The following AK4 variants were observed in gnomAD, a reference collection of about 807,000 sequenced individuals.
The protein encoded by AK4 is adenylate kinase 4, mitochondrial.
AK4 carries 13 observed loss-of-function variants against 24.6 expected under a neutral mutation model. That is an observed-to-expected ratio of 0.53 (90% CI 0.34 to 0.84). The LOEUF is 0.84. Among genes scored for constraint, AK4 ranks in the 40% least tolerant of loss-of-function variants. The pLI, the probability that AK4 is intolerant of heterozygous loss-of-function variation, is 0.01. For missense variants in AK4, 192 were observed against 288.2 expected (o/e 0.67, Z 2.42); for synonymous variants, 88 against 107.0 (o/e 0.82, Z 1.10).
chr1:65,194,121 T>C (rs996335363), intron 2 of AK4, among the ~76,000 whole-genome samples: 1 of 152,222 alleles, frequency 6.6e-6, no homozygotes, highest in Non-Finnish European at 1.5e-5. Context: ...TTGTATAAAG[T>C]GTGCCCTCAG....
At chr1:65,154,089 C>A (rs1649891661) in intron 1 of AK4, among the ~76,000 whole-genome samples, 1 of 152,172 alleles carries the variant, frequency 6.6e-6, no homozygotes, top group African/African-American at 2.4e-5. Context: ...AAAAGTTGAT[C>A]TTTTGCCTGC....
At chr1:65,169,175 C>CAAAAAAAAAAAA (rs577188503) in intron 1 of AK4, among the ~76,000 whole-genome samples, 1 of 64,788 alleles carries the variant, frequency 1.5e-5, no homozygotes, top group East Asian at 4.1e-4. Context: ...GACGCTGTCT[C>CAAAAAAAAAAAA]AAAAAAAAAA....
At chr1:65,224,717 T>C (rs1195653390) in intron 3 of AK4, 35 bp from the exon 4 acceptor site, 1 of 1,560,480 alleles carries the variant, frequency 6.4e-7, no homozygotes, top group South Asian at 1.1e-5. Flanking sequence ...GGCCCAACTG[T>C]TGTCTATATT....
intron 4 of AK4, 59 bp downstream of exon 4, chr1:65,224,929 T>A: frequency 7.3e-7 from 1 of 1,366,566 alleles, no homozygotes; most frequent in Non-Finnish European, 1.0e-6. Context: ...TGGAGCCTGC[T>A]GGGAGGAACA....
chr1:65,218,132 G>A (rs1652187202), intron 2 of AK4, among the ~76,000 whole-genome samples: 1 of 152,186 alleles, frequency 6.6e-6, no homozygotes, highest in Non-Finnish European at 1.5e-5. Flanking sequence ...TGGTTAAAGT[G>A]CAGACTCAGG....
At chr1:65,211,296 T>A (rs113194489) in intron 2 of AK4, among the ~76,000 whole-genome samples, 3,793 of 152,322 alleles carry the variant, frequency 0.025, 67 homozygotes, top group Middle Eastern at 0.078. Flanking sequence ...GCAGAACATT[T>A]GTTGTGTGTA....
intron 1 of AK4, among the ~76,000 whole-genome samples, chr1:65,153,872 G>A (rs770525985): frequency 6.6e-6 from 1 of 152,122 alleles, no homozygotes; most frequent in Non-Finnish European, 1.5e-5. Flanking sequence ...TTAGCATAGC[G>A]TGTCTGAGGA....
At chr1:65,170,435 T>G (rs1239303183) in intron 1 of AK4, among the ~76,000 whole-genome samples, 1 of 152,200 alleles carries the variant, frequency 6.6e-6, no homozygotes, top group Non-Finnish European at 1.5e-5. Context: ...CTTTCTTGTC[T>G]TCTGTTAAAT....
intron 1 of AK4, among the ~76,000 whole-genome samples, chr1:65,171,130 T>TTC (rs1650506903): frequency 6.7e-6 from 1 of 148,682 alleles, no homozygotes; most frequent in African/African-American, 2.5e-5. Flanking sequence ...TAATTTTTTT[T>TTC]TTTTTTTTTT....
chr1:65,174,919 CTTAT>C (rs1194270087), intron 1 of AK4, among the ~76,000 whole-genome samples: 2 of 152,098 alleles, frequency 1.3e-5, no homozygotes, highest in Non-Finnish European at 2.9e-5. Flanking sequence ...CCAATATTTG[CTTAT>C]TTATTTTTTC....
Position 65,194,556 on chromosome 1 carries a change from G to A in AK4, c.265+3727G>A, listed in dbSNP as rs149287086. 5.9e-3 allele frequency among the ~76,000 whole-genome samples: 899 copies of A among 152,162 alleles called. 9 individuals carry two copies. Among genetic ancestry groups the A allele is most frequent in the African/African-American group, 0.021 (866 of 41,500 alleles). On this transcript the variant is annotated intron_variant, in intron 2 of 4. Coordinates refer to ENST00000327299, the MANE Select transcript of AK4 (RefSeq NM_013410.4). ...AGCTCACTGCAACCTCCACCTCCCAGGTTCAAGCAATTCTCTTGCCTCAGC... is the reference window on the plus strand; with the variant it reads ...AGCTCACTGCAACCTCCACCTCCCAAGTTCAAGCAATTCTCTTGCCTCAGC...
At chr1:65,215,819 G>A (rs1456873772) in intron 2 of AK4, among the ~76,000 whole-genome samples, 1 of 152,196 alleles carries the variant, frequency 6.6e-6, no homozygotes, top group Non-Finnish European at 1.5e-5. Flanking sequence ...TAGCCAATAA[G>A]ATTTGAGCTT....
chr1:65,150,283 CTCT>C (rs997797568), intron 1 of AK4, among the ~76,000 whole-genome samples: 5 of 109,960 alleles, frequency 4.5e-5, no homozygotes, highest in African/African-American at 1.3e-4. Context: ...CTCTCTCTCT[CTCT>C]TTTTTTTTTT....
chr1:65,204,224 G>A (rs1230613949), intron 2 of AK4, among the ~76,000 whole-genome samples: 1 of 140,888 alleles, frequency 7.1e-6, no homozygotes, highest in East Asian at 2.1e-4. Flanking sequence ...TTTTTGACAT[G>A]GAGTCTCGCT....
upstream of AK4, chr1:65,147,926 CG>C: frequency 6.5e-6 from 1 of 154,724 alleles, no homozygotes; most frequent in Non-Finnish European, 1.4e-5. Flanking sequence ...CGTGGGGCGG[CG>C]GGGGCTGGCT....
intron 1 of AK4, among the ~76,000 whole-genome samples, chr1:65,187,172 C>G (rs1198596021): frequency 2.0e-5 from 3 of 151,526 alleles, no homozygotes; most frequent in Admixed American, 2.0e-4. Context: ...ACGGTGAAAC[C>G]CTGTTTCTAC....
chr1:65,221,349 A>G (rs1311691044), intron 3 of AK4, among the ~76,000 whole-genome samples: 1 of 152,206 alleles, frequency 6.6e-6, no homozygotes, highest in Non-Finnish European at 1.5e-5. Flanking sequence ...TCGAGGGGCT[A>G]AGAATGGCTT....
At chr1:65,152,183 G>T (rs1270883233) in intron 1 of AK4, among the ~76,000 whole-genome samples, 1 of 151,354 alleles carries the variant, frequency 6.6e-6, no homozygotes, top group Non-Finnish European at 1.5e-5. Context: ...AGAAATAGTG[G>T]TATTTTTTAA....
At chr1:65,177,469 CA>C (rs1422627132) in intron 1 of AK4, among the ~76,000 whole-genome samples, 1 of 152,194 alleles carries the variant, frequency 6.6e-6, no homozygotes, top group East Asian at 1.9e-4. Flanking sequence ...GGAGATGGCA[CA>C]AAGAGAAGCA....
Sources: gnomAD v4.1 joint callset for allele counts (sites outside exome capture counted in the v4.1 genomes callset) on GRCh38, gnomAD v4.1.1 for gene constraint, MANE v1.5 for transcripts, NCBI Gene and HGNC (gene_info 2026-07-23, HGNC 2026-07-21) for gene names.